The following EPB41 variants were observed in gnomAD, a reference collection of about 807,000 sequenced individuals.
EPB41 encodes erythrocyte membrane protein band 4.1.
EPB41 carries 65 observed loss-of-function variants against 108.0 expected under a neutral mutation model. The observed-to-expected ratio is 0.60, with a 90% CI of 0.49 to 0.74. The LOEUF (loss-of-function observed/expected upper bound fraction) is 0.74. Ranked by LOEUF, EPB41 falls within the 30% of genes least tolerant of loss-of-function variation. The probability of loss-of-function intolerance (pLI) is 0.00; values close to 1 mark genes in which losing one functional copy is unlikely to be tolerated. For synonymous variants in EPB41, 336 were observed against 358.9 expected, an observed-to-expected ratio of 0.94 and a Z score of 0.72; for missense variants, 875 against 1,037.0, an observed-to-expected ratio of 0.84 and a Z score of 2.15.
chr1:28,983,237 G>A (rs547515736), intron 1 of EPB41, among the ~76,000 whole-genome samples: 12 of 152,276 alleles, frequency 7.9e-5, no homozygotes, highest in African/African-American at 2.6e-4. Context: ...TTAATGTGTT[G>A]CATCATTTGT....
intron 11 of EPB41, among the ~76,000 whole-genome samples, chr1:29,046,038 C>T (rs1393039727): frequency 6.6e-6 from 1 of 151,820 alleles, no homozygotes; most frequent in African/African-American, 2.4e-5. Context: ...ATTTTTTGTT[C>T]AATTGTTTTG....
chr1:28,915,235 G>C (rs115338907), intron 1 of EPB41, among the ~76,000 whole-genome samples: 2 of 152,176 alleles, frequency 1.3e-5, no homozygotes, highest in Non-Finnish European at 2.9e-5. Flanking sequence ...ACTGCAGGGA[G>C]CCCTGGCAAG....
chr1:29,039,520 G>A lies in EPB41; in HGVS notation c.1636+94G>A, dbSNP rs1640701420. ...TCTATAAGAGAACCGAATTAAAGAA[G>A]CTCAGGGTTGGGCCTGGTGCAGTGG... On this transcript the variant is annotated intron_variant, in intron 11 of 20. Transcript: ENST00000343067. 5.9e-6 allele frequency: 9 copies of A among 1,518,192 alleles called. No individual in the cohort carries two copies. In the Admixed American group the frequency reaches 9.4e-5, roughly 16 times the overall value. The allele number at this position is 1,518,192 out of a possible 1,614,324, so 94.0% of individuals were successfully genotyped here.
chr1:28,921,936 TTTTA>T (rs2093102431), intron 1 of EPB41, among the ~76,000 whole-genome samples: 1 of 66,250 alleles, frequency 1.5e-5, no homozygotes, highest in African/African-American at 8.7e-5. Flanking sequence ...ATTTATGAAA[TTTTA>T]TATATATATA....
chr1:29,083,078 A>G (rs181514907), intron 16 of EPB41, among the ~76,000 whole-genome samples: 1 of 152,314 alleles, frequency 6.6e-6, no homozygotes, highest in African/African-American at 2.4e-5. Context: ...TATACCAGAG[A>G]ATAGCAATAG....
intron 1 of EPB41, among the ~76,000 whole-genome samples, chr1:28,978,775 T>C (rs1415037733): frequency 6.6e-6 from 1 of 151,402 alleles, no homozygotes; most frequent in Non-Finnish European, 1.5e-5. Flanking sequence ...TCTTCTGCTG[T>C]GTTGGGCATC....
intron 5 of EPB41, 99 bp from the exon 6 acceptor site, chr1:29,015,593 A>G (rs917829274): frequency 2.4e-6 from 2 of 830,716 alleles, no homozygotes; most frequent in African/African-American, 1.8e-5. Flanking sequence ...AAAAAAAAGA[A>G]AGAAAAAGAA....
rs1234418479 is a variant in EPB41 at position 29,118,609 on chromosome 1, TG to T, written c.*1798del. ...TCCCAACACCGTCCAAAGTCTCCACTGCCTGAGTTTTGTTTCGGCTGGTTTG... is the reference window on the plus strand; with the variant it reads ...TCCCAACACCGTCCAAAGTCTCCACTCCTGAGTTTTGTTTCGGCTGGTTTG... On this transcript the variant is annotated 3_prime_UTR_variant, in exon 21 of 21. Transcript: ENST00000343067. 6.6e-6 allele frequency: 1 copy of T among 152,310 alleles called. No homozygotes were observed. The highest frequency in any genetic ancestry group is 1.9e-4 in the East Asian group (1 of 5,208). 9.4% of individuals were successfully genotyped at this position (152,310 alleles called of 1,614,324 possible). A position where few individuals can be genotyped will look rare whatever the true frequency, so the allele number is the denominator to read the frequency against.
chr1:29,086,274 C>CT (rs1658865804), intron 16 of EPB41, among the ~76,000 whole-genome samples: 1 of 148,608 alleles, frequency 6.7e-6, no homozygotes, highest in Non-Finnish European at 1.5e-5. Flanking sequence ...TTTTGTCTTT[C>CT]CTTTTTTTTT....
Position 28,993,534 on chromosome 1 carries a change from G to T in EPB41, c.673G>T (p.Val225Phe), listed in dbSNP as rs1262516372. The change falls in exon 3 of 21, where the codon GTT becomes TTT. Residue 225 changes from valine to phenylalanine, a missense_variant. This residue lies in a region of EPB41 where 353 missense variants were observed against 393.2 expected (regional missense o/e 0.90). Transcript: ENST00000343067. ...SLLDDTVYEC[V>F]VEKHAKGQDL... The stretch of plus-strand genomic sequence containing the variant: ...GTTGGATGACACAGTTTATGAATGT[G>T]TTGTGGAGGTGAGTATGTTTTCATT... The T allele has an allele frequency of 6.2e-7, 1 of 1,613,964 alleles. No individual in the cohort carries two copies. Among genetic ancestry groups the T allele is most frequent in the Non-Finnish European group, 8.5e-7 (1 of 1,179,960 alleles).
chr1:29,000,370 G>C (rs972021885), intron 4 of EPB41, among the ~76,000 whole-genome samples: 2 of 152,248 alleles, frequency 1.3e-5, no homozygotes, highest in Non-Finnish European at 2.9e-5. Flanking sequence ...AAAGTGCTGG[G>C]ATTACAGGCG....
intron 1 of EPB41, among the ~76,000 whole-genome samples, chr1:28,975,595 G>T (rs567817358): frequency 7.2e-5 from 11 of 152,032 alleles, no homozygotes; most frequent in Non-Finnish European, 1.5e-4. Context: ...AATTTAGCAT[G>T]ATATTCAAGT....
rs754949095 is a variant in EPB41 at position 29,065,148 on chromosome 1, C to T, written c.2174C>T (p.Thr725Ile). 1.9e-6 allele frequency: 3 copies of T among 1,602,202 alleles called. No individual in the cohort carries two copies. The highest frequency in any genetic ancestry group is 2.2e-5 in the East Asian group (1 of 44,728). The part of the protein sequence containing the change: ...RTLNINGQIP[T>I]GEGPPLVKTQ... ...CTTAACATCAATGGGCAAATCCCCACAGGAGAAGGAGTGAGTACTTTGTCC... is the reference window on the plus strand; with the variant it reads ...CTTAACATCAATGGGCAAATCCCCATAGGAGAAGGAGTGAGTACTTTGTCC... The change falls in exon 16 of 21, where the codon ACA becomes ATA. Residue 725 changes from threonine to isoleucine, a missense_variant. This residue lies in a region of EPB41 where 519 missense variants were observed against 627.3 expected (regional missense o/e 0.83). Transcript: ENST00000343067.
intron 16 of EPB41, among the ~76,000 whole-genome samples, chr1:29,085,296 C>CCA (rs1197029597): frequency 6.6e-6 from 1 of 151,906 alleles, no homozygotes; most frequent in African/African-American, 2.4e-5. Flanking sequence ...GCACCCGCCA[C>CCA]CATGCCCGGC....
intron 8 of EPB41, 48 bp downstream of exon 8, chr1:29,030,535 A>G: frequency 7.7e-7 from 1 of 1,304,950 alleles, no homozygotes; most frequent in African/African-American, 1.5e-5. Context: ...AAGATATTAT[A>G]TGATACATGT....
intron 11 of EPB41, among the ~76,000 whole-genome samples, chr1:29,048,339 C>T (rs929273562): frequency 3.0e-4 from 45 of 152,030 alleles, no homozygotes; most frequent in African/African-American, 9.4e-4. Flanking sequence ...CTCAGCCTCC[C>T]GAGTAGCTGG....
chr1:28,967,810 C>CTTTTTTTT (rs1278947795), intron 1 of EPB41, among the ~76,000 whole-genome samples: 2 of 121,172 alleles, frequency 1.7e-5, no homozygotes, highest in Non-Finnish European at 3.5e-5. Context: ...TGGGCCTTGT[C>CTTTTTTTT]TTTTTTTTTT....
chr1:29,100,596 C>G (rs904569417), intron 17 of EPB41, among the ~76,000 whole-genome samples: 1 of 146,908 alleles, frequency 6.8e-6, no homozygotes, highest in Non-Finnish European at 1.5e-5. Flanking sequence ...TCCAGACCAG[C>G]CTGGGCAACA....
At chr1:28,989,631 T>A (rs112632335) in intron 2 of EPB41, among the ~76,000 whole-genome samples, 64 of 152,312 alleles carry the variant, frequency 4.2e-4, no homozygotes, top group African/African-American at 1.5e-3. Flanking sequence ...ATTGCACACT[T>A]GCTGTTAGTG....
Sources: allele counts gnomAD v4.1 joint callset (sites outside exome capture counted in the v4.1 genomes callset), GRCh38; gene constraint gnomAD v4.1.1; regional missense constraint gnomAD v4.1.1; transcripts MANE v1.5; gene names NCBI Gene and HGNC (gene_info 2026-07-23, HGNC 2026-07-21).